PCDHGB2: variants seen among roughly 807,000 people sequenced by gnomAD.
PCDHGB2 encodes protocadherin gamma subfamily B, 2.
Under a neutral mutation model 59.3 loss-of-function variants are expected in PCDHGB2, and 55 were observed. That is an observed-to-expected ratio of 0.93 (90% CI 0.75 to 1.16). The LOEUF is 1.16. Ranked by LOEUF, PCDHGB2 falls within the 50% of genes most tolerant of loss-of-function variation. PCDHGB2 has a pLI of 0.00. For missense variants in PCDHGB2, 1,228 were observed against 1,198.5 expected (o/e 1.02, Z -0.36); for synonymous variants, 516 against 512.0 (o/e 1.01, Z -0.11).
chr5:141,423,082 G>T (rs1390567548), intron 1 of PCDHGB2: 3 of 1,614,078 alleles, frequency 1.9e-6, no homozygotes, highest in Non-Finnish European at 2.5e-6. Context: ...GGGACTCTTC[G>T]CGGTGGGGGA....
At chr5:141,417,517 T>C (rs2096127273) in intron 1 of PCDHGB2, 1 of 255,788 alleles carries the variant, frequency 3.9e-6, no homozygotes, top group East Asian at 7.9e-5. Flanking sequence ...ATATTTTGGC[T>C]GTCAACTCGT....
rs1368451336 is a variant in PCDHGB2 at position 141,505,377 on chromosome 5, C to T, written c.2481-16C>T. ...CGGCCTGGGAGTCTGTGCTCACCAT[C>T]CTACTCTCTCCCCAGCTCCCAAAAT... On this transcript the variant is annotated splice_polypyrimidine_tract_variant and intron_variant, in intron 2 of 3. Transcript: ENST00000522605. The T allele has an allele frequency of 6.2e-7, 1 of 1,614,036 alleles. No individual in the cohort carries two copies. Among genetic ancestry groups the T allele is most frequent in the Non-Finnish European group, 8.5e-7 (1 of 1,179,954 alleles).
At chr5:141,389,394 T>C (rs753490190) in intron 1 of PCDHGB2, 2 of 1,613,672 alleles carry the variant, frequency 1.2e-6, no homozygotes, top group South Asian at 2.2e-5. Flanking sequence ...ATCCTACGTG[T>C]CCATAAGCGC....
chr5:141,463,438 CTTTTTTTTTTTTTTT>C (rs71576115), intron 1 of PCDHGB2, among the ~76,000 whole-genome samples: 7 of 103,256 alleles, frequency 6.8e-5, no homozygotes, highest in African/African-American at 3.1e-4. Flanking sequence ...TTTCCTTCTC[CTTTTTTTTTTTTTTT>C]TTTTTTTTTT....
At chr5:141,509,163 C>T (rs561329093) in intron 3 of PCDHGB2, among the ~76,000 whole-genome samples, 1 of 152,204 alleles carries the variant, frequency 6.6e-6, no homozygotes, top group East Asian at 1.9e-4. Context: ...CTCCCGTGTG[C>T]CCTCCTCCTC....
At chr5:141,366,024 C>A in intron 1 of PCDHGB2, 1 of 1,614,260 alleles carries the variant, frequency 6.2e-7, no homozygotes, top group Non-Finnish European at 8.5e-7. Context: ...ATCCTGTACC[C>A]CGCCCTCCCC....
intron 1 of PCDHGB2, among the ~76,000 whole-genome samples, chr5:141,450,082 C>T (rs2098668421): frequency 6.8e-6 from 1 of 147,384 alleles, no homozygotes. Context: ...TCTTGGCTCA[C>T]TGCAACCTCC....
chr5:141,447,181 G>T (rs442221), intron 1 of PCDHGB2, among the ~76,000 whole-genome samples: 1 of 152,338 alleles, frequency 6.6e-6, no homozygotes, highest in Admixed American at 6.5e-5. Context: ...CTCTTGTCGC[G>T]CAGGCTGGAG....
chr5:141,427,775 G>A (rs768191014), intron 1 of PCDHGB2: 35 of 1,424,948 alleles, frequency 2.5e-5, no homozygotes, highest in Non-Finnish European at 2.9e-5. Context: ...TGGAGCTGCG[G>A]GCACTGTCGT....
chr5:141,427,807 A>T (rs1443881781), intron 1 of PCDHGB2: 2 of 1,521,932 alleles, frequency 1.3e-6, no homozygotes, highest in East Asian at 2.3e-5. Flanking sequence ...GTGAGCGCAC[A>T]GAGCGGGGTG....
chr5:141,384,828 G>T (rs746957314), intron 1 of PCDHGB2: 2 of 1,613,488 alleles, frequency 1.2e-6, no homozygotes, highest in African/African-American at 1.3e-5. Flanking sequence ...AGAGCCTCGT[G>T]GTGGCCGTCC....
intron 1 of PCDHGB2, among the ~76,000 whole-genome samples, chr5:141,368,153 C>T (rs1012030751): frequency 2.6e-5 from 4 of 152,064 alleles, no homozygotes; most frequent in Non-Finnish European, 4.4e-5. Context: ...ACTTTTAAAA[C>T]CTTGAGCATC....
chr5:141,365,821 G>A (rs756787528), intron 1 of PCDHGB2: 1 of 1,613,908 alleles, frequency 6.2e-7, no homozygotes, highest in Non-Finnish European at 8.5e-7. Context: ...ACACATTTCA[G>A]GGGGCGCCCT....
At chr5:141,393,735 G>C (rs1478004701) in intron 1 of PCDHGB2, 3 of 1,613,740 alleles carry the variant, frequency 1.9e-6, no homozygotes, top group Non-Finnish European at 1.7e-6. Context: ...AAAAAGTCTA[G>C]ATTATGAAGA....
intron 1 of PCDHGB2, among the ~76,000 whole-genome samples, chr5:141,449,840 T>C (rs1367482819): frequency 6.6e-6 from 1 of 151,692 alleles, no homozygotes; most frequent in Non-Finnish European, 1.5e-5. Context: ...TTTTATATAA[T>C]TAAATTTTAA....
rs1193457334 is a variant in PCDHGB2 at position 141,375,486 on chromosome 5, G to T, written c.2421+12930G>T. The T allele has an allele frequency of 5.0e-6, 8 of 1,613,914 alleles. No homozygotes were observed. Among genetic ancestry groups the T allele is most frequent in the Non-Finnish European group, 6.8e-6 (8 of 1,179,980 alleles). ...TATGTCCTTGAAAACAACCCCAGGG[G>T]TGCCTCCATCTTCTCTGTGAATGCA... is the stretch of plus-strand genomic sequence containing the variant. On this transcript the variant is annotated intron_variant, in intron 1 of 3. Coordinates refer to ENST00000522605, the MANE Select transcript of PCDHGB2 (RefSeq NM_018923.3).
At chr5:141,369,716 T>C (rs1229829600) in intron 1 of PCDHGB2, among the ~76,000 whole-genome samples, 1 of 152,218 alleles carries the variant, frequency 6.6e-6, no homozygotes, top group Non-Finnish European at 1.5e-5. Flanking sequence ...TTATAACTTT[T>C]AGAAGTTAGA....
chr5:141,478,013 C>G (rs768425714), intron 1 of PCDHGB2: 6 of 1,614,136 alleles, frequency 3.7e-6, no homozygotes. Flanking sequence ...TACTGCCCGT[C>G]CAGTCCAAGA....
At chr5:141,382,592 A>G (rs1264942970) in intron 1 of PCDHGB2, 1 of 246,462 alleles carries the variant, frequency 4.1e-6, no homozygotes, top group Admixed American at 5.4e-5. Context: ...TTGAAAGATG[A>G]AACAATTTTC....
Sources: allele counts gnomAD v4.1 joint callset (sites outside exome capture counted in the v4.1 genomes callset), GRCh38; gene constraint gnomAD v4.1.1; transcripts MANE v1.5; gene names NCBI Gene and HGNC (gene_info 2026-07-23, HGNC 2026-07-21).